The following CCSER1 variants were observed in gnomAD, a reference collection of about 807,000 sequenced individuals.
CCSER1 encodes the protein coiled-coil serine rich protein 1.
CCSER1 carries 41 observed loss-of-function variants against 82.0 expected under a neutral mutation model. That is an observed-to-expected ratio of 0.50 (90% CI 0.39 to 0.65). CCSER1 has a LOEUF of 0.65. CCSER1 is among the 30% of genes least tolerant of loss of function. The pLI, the probability that CCSER1 is intolerant of heterozygous loss-of-function variation, is 0.00. For missense variants in CCSER1, 1,119 were observed against 1,064.2 expected (o/e 1.05, Z -0.72); for synonymous variants, 414 against 383.9 (o/e 1.08, Z -0.92).
At chr4:90,390,187 C>G (rs1354740803) in intron 3 of CCSER1, among the ~76,000 whole-genome samples, 1 of 152,176 alleles carries the variant, frequency 6.6e-6, no homozygotes, top group African/African-American at 2.4e-5. Context: ...ATTTGAGTAA[C>G]AAGGGATTTA....
At chr4:90,761,936 G>A (rs1177056266) in intron 7 of CCSER1, among the ~76,000 whole-genome samples, 1 of 151,870 alleles carries the variant, frequency 6.6e-6, no homozygotes, top group Non-Finnish European at 1.5e-5. Flanking sequence ...ATTAACTTGA[G>A]AATAATCAAG....
chr4:90,447,593 A>G (rs1287015850), intron 4 of CCSER1, among the ~76,000 whole-genome samples: 1 of 152,224 alleles, frequency 6.6e-6, no homozygotes, highest in Non-Finnish European at 1.5e-5. Context: ...ATGTAAAGTG[A>G]CTAGTTATAT....
At chr4:91,591,234 A>G (rs951811353) in intron 10 of CCSER1, among the ~76,000 whole-genome samples, 12 of 152,264 alleles carry the variant, frequency 7.9e-5, no homozygotes, top group Non-Finnish European at 1.5e-5. Flanking sequence ...GCTTATTTAC[A>G]TTTAAGATTT....
intron 1 of CCSER1, among the ~76,000 whole-genome samples, chr4:90,169,384 G>C (rs540912478): frequency 6.6e-6 from 1 of 152,108 alleles, no homozygotes; most frequent in Admixed American, 6.6e-5. Context: ...GGGCTGAGAC[G>C]ATGGGGTTTT....
At chr4:90,660,078 G>T (rs907035478) in intron 6 of CCSER1, among the ~76,000 whole-genome samples, 6 of 151,842 alleles carry the variant, frequency 4.0e-5, no homozygotes, top group Non-Finnish European at 7.4e-5. Context: ...TACACTGTTG[G>T]TGGAAATGTT....
intron 1 of CCSER1, among the ~76,000 whole-genome samples, chr4:90,213,615 T>C (rs1209295544): frequency 6.6e-6 from 1 of 152,052 alleles, no homozygotes; most frequent in Non-Finnish European, 1.5e-5. Context: ...GTGGAAACTA[T>C]GAAGAAGAAC....
intron 9 of CCSER1, among the ~76,000 whole-genome samples, chr4:91,067,317 A>G (rs749782678): frequency 6.6e-6 from 1 of 151,920 alleles, no homozygotes; most frequent in South Asian, 2.1e-4. Flanking sequence ...CACTGGTACA[A>G]TAAGATGTTT....
chr4:91,479,681 T>C (rs954666138), intron 10 of CCSER1, among the ~76,000 whole-genome samples: 1 of 148,436 alleles, frequency 6.7e-6, no homozygotes, highest in African/African-American at 2.4e-5. Flanking sequence ...GAAAGCAGTT[T>C]ATTCTTATTC....
chr4:90,944,460 A>G (rs757980625), intron 9 of CCSER1, among the ~76,000 whole-genome samples: 1 of 152,160 alleles, frequency 6.6e-6, no homozygotes, highest in Non-Finnish European at 1.5e-5. Context: ...TGAAGCAGGA[A>G]CAGGTCTGGG....
Position 91,475,486 on chromosome 4 carries a change from G to A in CCSER1, c.2218-123086G>A, listed in dbSNP as rs183889589. Among the ~76,000 whole-genome samples, 12 of 151,688 alleles carry A rather than the reference G, an allele frequency of 7.9e-5. No homozygotes were observed. The East Asian group carries it at 2.3e-3, about 29-fold the overall frequency. ...AACTCTTACCTTATATTCTAAAAGG[G>A]GGGTAATAATACCTTCTATTGTAAT... On this transcript the variant is annotated intron_variant, in intron 10 of 10. Transcript: ENST00000509176.
intron 5 of CCSER1, among the ~76,000 whole-genome samples, chr4:90,603,943 A>G (rs1784321185): frequency 6.6e-6 from 1 of 152,148 alleles, no homozygotes; most frequent in South Asian, 2.1e-4. Context: ...TGACCCCACG[A>G]TACCTTATTA....
chr4:90,649,114 C>G (rs568654878), intron 6 of CCSER1, among the ~76,000 whole-genome samples: 4 of 152,124 alleles, frequency 2.6e-5, no homozygotes, highest in Non-Finnish European at 5.9e-5. Flanking sequence ...ATTTTTCATA[C>G]AGAAGCATGT....
chr4:91,402,571 A>G (rs1038600703), intron 10 of CCSER1, among the ~76,000 whole-genome samples: 1 of 152,184 alleles, frequency 6.6e-6, no homozygotes, highest in South Asian at 2.1e-4. Flanking sequence ...TAATTTTTGT[A>G]TAAGGTGTAA....
chr4:90,619,903 A>T (rs1721995246), intron 5 of CCSER1, among the ~76,000 whole-genome samples: 1 of 152,090 alleles, frequency 6.6e-6, no homozygotes, highest in Admixed American at 6.5e-5. Context: ...TGAATATGAA[A>T]GTAGAAAATG....
chr4:91,274,100 G>T (rs868827787), intron 10 of CCSER1, among the ~76,000 whole-genome samples: 1 of 152,092 alleles, frequency 6.6e-6, no homozygotes, highest in Non-Finnish European at 1.5e-5. Flanking sequence ...GAGCACTTTG[G>T]TAATACACTA....
chr4:90,777,984 G>T (rs2149595456), intron 7 of CCSER1, among the ~76,000 whole-genome samples: 1 of 152,000 alleles, frequency 6.6e-6, no homozygotes, highest in Middle Eastern at 3.4e-3. Flanking sequence ...ATAAATATTT[G>T]TTGATCTTGT....
intron 10 of CCSER1, among the ~76,000 whole-genome samples, chr4:91,406,243 C>T (rs377726040): frequency 1.3e-5 from 2 of 152,096 alleles, no homozygotes; most frequent in African/African-American, 4.8e-5. Context: ...GACTTCTAAG[C>T]AATTCATGCT....
At chr4:91,009,576 C>A (rs1188796572) in intron 9 of CCSER1, among the ~76,000 whole-genome samples, 1 of 152,088 alleles carries the variant, frequency 6.6e-6, no homozygotes, top group East Asian at 1.9e-4. Flanking sequence ...CTCTTTCCCC[C>A]CTTTATTACT....
At chr4:91,184,368 A>T (rs1035725228) in intron 10 of CCSER1, among the ~76,000 whole-genome samples, 3 of 152,252 alleles carry the variant, frequency 2.0e-5, no homozygotes, top group Admixed American at 2.0e-4. Flanking sequence ...AAGGGGTAGT[A>T]AAGAAACAGT....
Sources: gnomAD v4.1 joint callset for allele counts (sites outside exome capture counted in the v4.1 genomes callset) on GRCh38, gnomAD v4.1.1 for gene constraint, MANE v1.5 for transcripts, NCBI Gene and HGNC (gene_info 2026-07-23, HGNC 2026-07-21) for gene names.